RFTN1: variants seen among roughly 807,000 people sequenced by gnomAD.
RFTN1 encodes the protein raftlin.
A neutral mutation model predicts 46.5 loss-of-function variants in RFTN1; 26 were observed. The ratio of observed to expected loss-of-function variants is 0.56; its 90% CI spans 0.41 to 0.78. The LOEUF is 0.78. Ranked by LOEUF, RFTN1 falls within the 30% of genes least tolerant of loss-of-function variation. The probability of loss-of-function intolerance (pLI) is 0.00; values close to 1 mark genes in which losing one functional copy is unlikely to be tolerated. For missense variants in RFTN1, 693 were observed against 718.7 expected (o/e 0.96, Z 0.41); for synonymous variants, 261 against 284.2 (o/e 0.92, Z 0.82).
intron 3 of RFTN1, among the ~76,000 whole-genome samples, chr3:16,419,345 C>T (rs1420384598): frequency 6.6e-6 from 1 of 152,038 alleles, no homozygotes; most frequent in Non-Finnish European, 1.5e-5. Context: ...CATGGGTGGC[C>T]TTAGAGAGAA....
chr3:16,347,127 T>C (rs2071775621), intron 7 of RFTN1, among the ~76,000 whole-genome samples: 2 of 152,230 alleles, frequency 1.3e-5, no homozygotes, highest in Admixed American at 1.3e-4. Context: ...ATTGTCCCAG[T>C]GTACAGCTCT....
chr3:16,496,269 G>C (rs904114196), intron 1 of RFTN1, among the ~76,000 whole-genome samples: 1 of 152,246 alleles, frequency 6.6e-6, no homozygotes, highest in African/African-American at 2.4e-5. Flanking sequence ...GGCAGAGTCA[G>C]GAAGAGATGC....
chr3:16,434,448 G>T (rs953223414), intron 2 of RFTN1, among the ~76,000 whole-genome samples: 2 of 152,056 alleles, frequency 1.3e-5, no homozygotes, highest in Admixed American at 1.3e-4. Context: ...TGGCTACTCA[G>T]GAGGCTGAGG....
rs949194615 is a variant in RFTN1 at position 16,509,992 on chromosome 3, T to C, written c.-9+3450A>G. ...GTCCCACTCAGACAGAAAAGTTCACTTCCCGTTTCCTAGATCAGCCAAGGC... is the reference window on the plus strand; with the variant it reads ...GTCCCACTCAGACAGAAAAGTTCACCTCCCGTTTCCTAGATCAGCCAAGGC... On this transcript the variant is annotated intron_variant, in intron 1 of 9. Coordinates refer to ENST00000334133, the MANE Select transcript of RFTN1 (RefSeq NM_015150.2). This position sits in a 1 kb window ranked among gnomAD's most constrained non-coding sequence, Gnocchi z 4.9. 1.3e-5 allele frequency among the ~76,000 whole-genome samples: 2 copies of C among 152,112 alleles called. No individual in the cohort carries two copies. The highest frequency in any genetic ancestry group is 2.9e-5 in the Non-Finnish European group (2 of 68,012).
At chr3:16,323,562 G>A (rs1478501196) in intron 8 of RFTN1, 105 bp from the exon 9 acceptor site, 1 of 772,756 alleles carries the variant, frequency 1.3e-6, no homozygotes, top group Admixed American at 2.2e-5. Context: ...ACCACCCACA[G>A]GATTATGACA....
intron 6 of RFTN1, among the ~76,000 whole-genome samples, chr3:16,365,011 CGT>C (rs2073066961): frequency 6.6e-6 from 1 of 152,208 alleles, no homozygotes; most frequent in Non-Finnish European, 1.5e-5. Flanking sequence ...CAGTTTTTTA[CGT>C]GTGTGCTAAA....
rs899619504 is a variant in RFTN1, at chr3:16,385,029, T to C, written c.442-6927A>G. ...CATCCACATACTTATATACCCTAGA[T>C]CAGACCACTGCCCACTCCGGCCCTC... On this transcript the variant is annotated intron_variant, in intron 4 of 9. Transcript: ENST00000334133. The surrounding 1 kb of genome is among the most constrained non-coding windows in gnomAD (Gnocchi z 5.0). 2.0e-5 allele frequency among the ~76,000 whole-genome samples: 3 copies of C among 152,162 alleles called. No homozygotes were observed. The highest frequency in any genetic ancestry group is 6.5e-5 in the Admixed American group (1 of 15,274).
rs766006449 is a variant in RFTN1 at position 16,320,263 on chromosome 3, G to C, written c.1333-3031C>G. ...TATTTGCCTTGAAAATCACACGCACGTACACAGAGGTTTCTTTCCAATGCT... is the reference window on the plus strand; with the variant it reads ...TATTTGCCTTGAAAATCACACGCACCTACACAGAGGTTTCTTTCCAATGCT... On this transcript the variant is annotated intron_variant, in intron 9 of 9. Transcript: ENST00000334133. This position sits in a 1 kb window ranked among gnomAD's most constrained non-coding sequence, Gnocchi z 4.5. 6.6e-6 allele frequency among the ~76,000 whole-genome samples: 1 copy of C among 152,182 alleles called. No individual in the cohort carries two copies. Among genetic ancestry groups the C allele is most frequent in the Non-Finnish European group, 1.5e-5 (1 of 68,040 alleles).
At position 16,404,295 on chromosome 3, in the gene RFTN1, TATA is replaced by T. The variant is rs2074776874; in HGVS notation, c.441+5077_441+5079del. On this transcript the variant is annotated intron_variant, in intron 4 of 9. Transcript: ENST00000334133. ...TATATAATATGTAATATATAATATA[TATA>T]ATATGTAATATATATTATATATAAT... 7.8e-5 allele frequency among the ~76,000 whole-genome samples: 2 copies of T among 25,574 alleles called. 1 individual carries two copies. Among genetic ancestry groups the T allele is most frequent in the Non-Finnish European group, 1.3e-4 (2 of 15,710 alleles). The allele number at this position is 25,574 out of a possible 152,430, so 16.8% of individuals were successfully genotyped here. A position where few individuals can be genotyped will look rare whatever the true frequency, so the allele number is the denominator to read the frequency against.
At position 16,357,114 on chromosome 3, in the gene RFTN1, CAAAAA is replaced by C. The variant is rs10563071; in HGVS notation, c.1146+813_1146+817del. On this transcript the variant is annotated intron_variant, in intron 7 of 9. Transcript: ENST00000334133. ...TGGGCGACAGAGCAAGATGCCATCT[CAAAAA>C]AAAAAAAAACAAAAAAACAAACAAA... Among the ~76,000 whole-genome samples the C allele has an allele frequency of 8.2e-3, 1,095 of 133,602 alleles. 17 individuals are homozygous for C. Among genetic ancestry groups the C allele is most frequent in the African/African-American group, 0.028 (1,015 of 36,388 alleles). The allele number at this position is 133,602 out of a possible 152,430, so 87.6% of individuals were successfully genotyped here. A position where few individuals can be genotyped will look rare whatever the true frequency, so the allele number is the denominator to read the frequency against.
chr3:16,333,482 T>C (rs1312682031), intron 7 of RFTN1, among the ~76,000 whole-genome samples: 1 of 152,222 alleles, frequency 6.6e-6, no homozygotes, highest in Non-Finnish European at 1.5e-5. Flanking sequence ...TCTATCTAAT[T>C]ATGTCATTCC....
Position 16,316,459 on chromosome 3 carries a change from G to C in RFTN1, c.*369C>G, listed in dbSNP as rs1485438518. 3.4e-6 allele frequency: 1 copy of C among 297,490 alleles called. No individual in the cohort carries two copies. The highest frequency in any genetic ancestry group is 6.4e-6 in the Non-Finnish European group (1 of 156,610). 18.4% of individuals were successfully genotyped at this position (297,490 alleles called of 1,614,324 possible). A position where few individuals can be genotyped will look rare whatever the true frequency, so the allele number is the denominator to read the frequency against. On this transcript the variant is annotated 3_prime_UTR_variant, in exon 10 of 10. Transcript: ENST00000334133. This position sits in a 1 kb window ranked among gnomAD's most constrained non-coding sequence, Gnocchi z 4.5. The stretch of plus-strand genomic sequence containing the variant: ...ACAGCAGCCTTGGTTTGTAGCCCAG[G>C]GTGTCCATGGATTTGACCCGAATGC...
In RFTN1 at chr3:16,383,667, C is replaced by T. The variant is rs539419116; in HGVS notation, c.442-5565G>A. ...TATACTCTATGTGCATGCGAATATA[C>T]GTATTTGTGATTTAGAGTATGTGTA... is the stretch of plus-strand genomic sequence containing the variant. On this transcript the variant is annotated intron_variant, in intron 4 of 9. Transcript: ENST00000334133. This position sits in a 1 kb window ranked among gnomAD's most constrained non-coding sequence, Gnocchi z 4.0. Among the ~76,000 whole-genome samples, 5 of 152,144 alleles carry T rather than the reference C, an allele frequency of 3.3e-5. No homozygotes were observed. The highest frequency in any genetic ancestry group is 4.1e-4 in the South Asian group (2 of 4,820).
chr3:16,363,267 T>C (rs576570145), intron 6 of RFTN1, among the ~76,000 whole-genome samples: 226 of 152,184 alleles, frequency 1.5e-3, no homozygotes, highest in Admixed American at 3.7e-3. Flanking sequence ...TAATGTGCAC[T>C]GAATTGGGTA....
rs2074899071 is a variant in RFTN1 at position 16,407,980 on chromosome 3, AG to A, written c.441+1394del. Among the ~76,000 whole-genome samples, 2 of 152,052 alleles carry A rather than the reference AG, an allele frequency of 1.3e-5. No individual in the cohort carries two copies. Among genetic ancestry groups the A allele is most frequent in the Admixed American group, 1.3e-4 (2 of 15,274 alleles). On this transcript the variant is annotated intron_variant, in intron 4 of 9. Transcript: ENST00000334133. This position sits in a 1 kb window ranked among gnomAD's most constrained non-coding sequence, Gnocchi z 4.0. The stretch of plus-strand genomic sequence containing the variant: ...TGAACACTCAATACATGTTGAAGGG[AG>A]GGTGGCAGCAAGGAAACAAATCTCC...
In RFTN1 at chr3:16,443,967, C is replaced by G. The variant is rs1326079591; in HGVS notation, c.146-9930G>C. 6.6e-6 allele frequency among the ~76,000 whole-genome samples: 1 copy of G among 152,118 alleles called. No homozygotes were observed. The highest frequency in any genetic ancestry group is 1.5e-5 in the Non-Finnish European group (1 of 68,028). ...AGCCTTTTTAAGAAACACCAGGTCC[C>G]CTGATGCTTAGGTTTAGTAGTGGGC... is the stretch of plus-strand genomic sequence containing the variant. On this transcript the variant is annotated intron_variant, in intron 2 of 9. Coordinates refer to ENST00000334133, the MANE Select transcript of RFTN1 (RefSeq NM_015150.2). The surrounding 1 kb of genome is among the most constrained non-coding windows in gnomAD (Gnocchi z 5.5).
intron 6 of RFTN1, among the ~76,000 whole-genome samples, chr3:16,358,650 T>C (rs187455513): frequency 2.6e-5 from 4 of 152,266 alleles, no homozygotes; most frequent in Admixed American, 2.6e-4. Flanking sequence ...CTAGTCAATG[T>C]ACCAGGTTCT....
rs1056932274 is a variant in RFTN1, at chr3:16,460,846, C to A, written c.146-26809G>T. Among the ~76,000 whole-genome samples, 1 of 152,236 alleles carries A rather than the reference C, an allele frequency of 6.6e-6. No individual in the cohort carries two copies. Reference sequence around the variant, plus strand: ...AGCTGTGAAGTGGCCCACTCTCTCCCACCTACCCACCCCAGAATTTCTTAC... The same window carrying A: ...AGCTGTGAAGTGGCCCACTCTCTCCAACCTACCCACCCCAGAATTTCTTAC... On this transcript the variant is annotated intron_variant, in intron 2 of 9. Coordinates refer to ENST00000334133, the MANE Select transcript of RFTN1 (RefSeq NM_015150.2). The surrounding 1 kb of genome is among the most constrained non-coding windows in gnomAD (Gnocchi z 4.8).
chr3:16,502,737 A>G (rs2076733370), intron 1 of RFTN1, among the ~76,000 whole-genome samples: 1 of 152,256 alleles, frequency 6.6e-6, no homozygotes, highest in African/African-American at 2.4e-5. Context: ...ATGTGGAAGT[A>G]GATCCTACAG....
Sources: gnomAD v4.1 joint callset for allele counts (sites outside exome capture counted in the v4.1 genomes callset) on GRCh38, gnomAD v4.1.1 for gene constraint, Gnocchi (gnomAD v3.1) non-coding constraint, MANE v1.5 for transcripts, NCBI Gene and HGNC (gene_info 2026-07-23, HGNC 2026-07-21) for gene names.